The following PDGFC variants were observed in gnomAD, a reference collection of about 807,000 sequenced individuals.
The protein encoded by PDGFC is platelet derived growth factor C, also known as platelet-derived growth factor C.
A neutral mutation model predicts 35.5 loss-of-function variants in PDGFC; 12 were observed. That is an observed-to-expected ratio of 0.34 (90% CI 0.22 to 0.55). PDGFC has a LOEUF of 0.55. PDGFC is among the 20% of genes least tolerant of loss of function. The pLI is 0.91. For synonymous variants in PDGFC, 159 were observed against 148.8 expected (o/e 1.07, Z -0.50); for missense variants, 322 against 412.4 (o/e 0.78, Z 1.90).
chr4:156,861,992 G>A (rs1729723473), intron 1 of PDGFC, among the ~76,000 whole-genome samples: 1 of 152,070 alleles, frequency 6.6e-6, no homozygotes, highest in Admixed American at 6.6e-5. Flanking sequence ...AGGTTTTGTA[G>A]TCCTCCCGAT....
At position 156,762,632 on chromosome 4, in the gene PDGFC, A is replaced by C. The variant is rs533546545; in HGVS notation, c.*458T>G. On this transcript the variant is annotated 3_prime_UTR_variant, in exon 6 of 6. Coordinates refer to ENST00000502773, the MANE Select transcript of PDGFC (RefSeq NM_016205.3). Reference sequence around the variant, plus strand: ...TACATATGTGAATATGAGCAAAAAAAAAAAAAAAAATCCAGATTTTATACG... The same window carrying C: ...TACATATGTGAATATGAGCAAAAAACAAAAAAAAAATCCAGATTTTATACG... The C allele has an allele frequency of 1.3e-5, 2 of 153,076 alleles. No homozygotes were observed. The highest frequency in any genetic ancestry group is 2.1e-4 in the South Asian group (1 of 4,876). The allele number at this position is 153,076 out of a possible 1,614,324, so 9.5% of individuals were successfully genotyped here.
chr4:156,958,312 G>T (rs1732257647), intron 1 of PDGFC, among the ~76,000 whole-genome samples: 5 of 149,860 alleles, frequency 3.3e-5, no homozygotes, highest in Admixed American at 3.3e-4. Flanking sequence ...AGGCCATCAA[G>T]TTACTCATTT....
At chr4:156,928,939 G>T (rs1373295238) in intron 1 of PDGFC, among the ~76,000 whole-genome samples, 1 of 152,098 alleles carries the variant, frequency 6.6e-6, no homozygotes, top group East Asian at 1.9e-4. Context: ...ACTTACATGG[G>T]AGCTAAGCAA....
At chr4:156,799,968 G>A (rs949929952) in intron 3 of PDGFC, among the ~76,000 whole-genome samples, 2 of 152,014 alleles carry the variant, frequency 1.3e-5, no homozygotes, top group Non-Finnish European at 2.9e-5. Flanking sequence ...ATAATCAACA[G>A]GAATAGCATA....
At chr4:156,841,146 G>T (rs1729193544) in intron 2 of PDGFC, among the ~76,000 whole-genome samples, 1 of 151,950 alleles carries the variant, frequency 6.6e-6, no homozygotes, top group Non-Finnish European at 1.5e-5. Context: ...AGATTTGGGA[G>T]GGGGGCTGGG....
At chr4:156,895,718 G>C (rs1023856870) in intron 1 of PDGFC, among the ~76,000 whole-genome samples, 1 of 151,606 alleles carries the variant, frequency 6.6e-6, no homozygotes, top group Non-Finnish European at 1.5e-5. Context: ...AAAAATCTAT[G>C]TATATGTGAG....
rs1189000968 is a variant in PDGFC at position 156,970,942 on chromosome 4, T to C, written c.-39A>G. On this transcript the variant is annotated 5_prime_UTR_variant, in exon 1 of 6. Coordinates refer to ENST00000502773, the MANE Select transcript of PDGFC (RefSeq NM_016205.3). ...GTGAGAGCTCACTCACGGCGGGCAC[T>C]TTGGAAGCAGCGACTCCCGAGTCTC... is the stretch of plus-strand genomic sequence containing the variant. The C allele has an allele frequency of 2.2e-6, 3 of 1,379,280 alleles. No individual in the cohort carries two copies. The highest frequency in any genetic ancestry group is 2.1e-6 in the Non-Finnish European group (2 of 970,588). 85.4% of individuals were successfully genotyped at this position (1,379,280 alleles called of 1,614,324 possible). A position where few individuals can be genotyped will look rare whatever the true frequency, so the allele number is the denominator to read the frequency against.
chr4:156,971,071 T>G lies in PDGFC; in HGVS notation c.-168A>C. 1.7e-6 allele frequency: 1 copy of G among 585,248 alleles called. No homozygotes were observed. The highest frequency in any genetic ancestry group is 2.1e-5 in the South Asian group (1 of 46,600). The allele number at this position is 585,248 out of a possible 1,614,324, so 36.3% of individuals were successfully genotyped here. ...TTCCACATAATCCCATCCAAAACTT[T>G]TTCCTAGAGCCCTCTTCTGTGTCTC... is the stretch of plus-strand genomic sequence containing the variant. On this transcript the variant is annotated 5_prime_UTR_variant, in exon 1 of 6. Transcript: ENST00000502773.
intron 2 of PDGFC, among the ~76,000 whole-genome samples, chr4:156,820,599 G>T (rs1252862318): frequency 6.6e-6 from 1 of 152,272 alleles, no homozygotes; most frequent in Non-Finnish European, 1.5e-5. Context: ...TTATTGCAGT[G>T]ATCTGGTACC....
intron 3 of PDGFC, among the ~76,000 whole-genome samples, chr4:156,799,263 C>G (rs1731531530): frequency 6.6e-6 from 1 of 152,184 alleles, no homozygotes; most frequent in African/African-American, 2.4e-5. Flanking sequence ...CAAAACCTGA[C>G]TTAACTAGAG....
chr4:156,920,244 C>T (rs1731241443), intron 1 of PDGFC, among the ~76,000 whole-genome samples: 1 of 152,204 alleles, frequency 6.6e-6, no homozygotes, highest in Non-Finnish European at 1.5e-5. Context: ...AACATACCAA[C>T]ACAAAGCCTA....
intron 1 of PDGFC, among the ~76,000 whole-genome samples, chr4:156,903,125 G>GTGTGTGT (rs1553975812): frequency 0.2 from 29,664 of 150,552 alleles, 3,350 homozygotes; most frequent in South Asian, 0.45. Flanking sequence ...GTGTGTGTGT[G>GTGTGTGT]TGTGTGTATA....
At chr4:156,870,127 C>A (rs763369176) in intron 1 of PDGFC, among the ~76,000 whole-genome samples, 2 of 152,068 alleles carry the variant, frequency 1.3e-5, no homozygotes, top group Admixed American at 6.6e-5. Flanking sequence ...AAACTAAGAT[C>A]ATGGTTAGTA....
rs140545423 is a variant in PDGFC, at chr4:156,908,613, T to C, written c.119-58197A>G. ...AGTAGAACTGTGATGATATCTTACC[T>C]CTGCTTCTGCAAACACCCAATCCTT... On this transcript the variant is annotated intron_variant, in intron 1 of 5. Transcript: ENST00000502773. Among the ~76,000 whole-genome samples the C allele has an allele frequency of 2.9e-3, 449 of 152,278 alleles. 3 individuals are homozygous for C. The highest frequency in any genetic ancestry group is 0.01 in the African/African-American group (433 of 41,568).
chr4:156,761,063 C>T lies in PDGFC; in HGVS notation c.*2027G>A, dbSNP rs982976065. The T allele has an allele frequency of 6.6e-6, 1 of 152,092 alleles. No homozygotes were observed. Among genetic ancestry groups the T allele is most frequent in the African/African-American group, 2.4e-5 (1 of 41,404 alleles). The allele number at this position is 152,092 out of a possible 1,614,324, so 9.4% of individuals were successfully genotyped here. A position where few individuals can be genotyped will look rare whatever the true frequency, so the allele number is the denominator to read the frequency against. On this transcript the variant is annotated 3_prime_UTR_variant, in exon 6 of 6. Coordinates refer to ENST00000502773, the MANE Select transcript of PDGFC (RefSeq NM_016205.3). ...GGAGGCAGGGCAGAACTGCAGGTGT[C>T]AAAGCACAGGAAAAGGGTGCTTGCC...
chr4:156,956,672 T>A (rs1377820892), intron 1 of PDGFC, among the ~76,000 whole-genome samples: 2 of 152,022 alleles, frequency 1.3e-5, no homozygotes, highest in African/African-American at 4.8e-5. Context: ...TTTAAAAATG[T>A]AAAGATAATT....
At chr4:156,841,590 T>G (rs1405775861) in intron 2 of PDGFC, among the ~76,000 whole-genome samples, 1 of 149,948 alleles carries the variant, frequency 6.7e-6, no homozygotes, top group Non-Finnish European at 1.5e-5. Context: ...CACTGCAACC[T>G]CCACCTCCCA....
intron 1 of PDGFC, among the ~76,000 whole-genome samples, chr4:156,939,821 C>T (rs60951512): frequency 2.6e-5 from 4 of 152,002 alleles, no homozygotes; most frequent in South Asian, 2.1e-4. Flanking sequence ...ACCAGCCTCA[C>T]GTTGACAGAA....
At chr4:156,933,729 A>G (rs1336986494) in intron 1 of PDGFC, among the ~76,000 whole-genome samples, 2 of 152,190 alleles carry the variant, frequency 1.3e-5, no homozygotes, top group East Asian at 1.9e-4. Context: ...CTGGATCATA[A>G]GAGCATTTTC....
Sources: gnomAD v4.1 joint callset for allele counts (sites outside exome capture counted in the v4.1 genomes callset) on GRCh38, gnomAD v4.1.1 for gene constraint, MANE v1.5 for transcripts, NCBI Gene and HGNC (gene_info 2026-07-23, HGNC 2026-07-21) for gene names.